ACOX2: variants seen among roughly 807,000 people sequenced by gnomAD.
ACOX2 encodes the protein acyl-CoA oxidase 2, also known as peroxisomal acyl-coenzyme A oxidase 2.
In ACOX2, 59 loss-of-function variants were observed where a neutral mutation model predicts 77.5. The ratio of observed to expected loss-of-function variants is 0.76; its 90% CI spans 0.62 to 0.95. The LOEUF (loss-of-function observed/expected upper bound fraction) is 0.95. Among genes scored for constraint, ACOX2 ranks in the 40% least tolerant of loss-of-function variants. The pLI is 0.00. For synonymous variants in ACOX2, 317 were observed against 340.1 expected, an observed-to-expected ratio of 0.93 and a Z score of 0.75; for missense variants, 837 against 880.4, an observed-to-expected ratio of 0.95 and a Z score of 0.62.
At position 58,521,258 on chromosome 3, in the gene ACOX2, A is replaced by G. The variant is rs1215242414; in HGVS notation, c.1632+1238T>C. On this transcript the variant is annotated intron_variant, in intron 12 of 14. Coordinates refer to ENST00000302819, the MANE Select transcript of ACOX2 (RefSeq NM_003500.4). The surrounding 1 kb of genome is among the most constrained non-coding windows in gnomAD (Gnocchi z 4.8). Reference sequence around the variant, plus strand: ...GTGGTGGGTCACGTGGTGGTGCTCAACGTCCAGCCTGCCTGACCAGCCCTG... The same window carrying G: ...GTGGTGGGTCACGTGGTGGTGCTCAGCGTCCAGCCTGCCTGACCAGCCCTG... 6.6e-6 allele frequency among the ~76,000 whole-genome samples: 1 copy of G among 152,130 alleles called. No individual in the cohort carries two copies. Among genetic ancestry groups the G allele is most frequent in the African/African-American group, 2.4e-5 (1 of 41,436 alleles).
rs2063462317 is a variant in ACOX2 at position 58,534,209 on chromosome 3, C to T, written c.324-64G>A. The T allele has an allele frequency of 6.2e-7, 1 of 1,604,610 alleles. No individual in the cohort carries two copies. Among genetic ancestry groups the T allele is most frequent in the African/African-American group, 1.3e-5 (1 of 74,624 alleles). On this transcript the variant is annotated intron_variant, in intron 3 of 14. Transcript: ENST00000302819. The surrounding 1 kb of genome is among the most constrained non-coding windows in gnomAD (Gnocchi z 4.8). ...AGACAGGGGCCCAGGTACCCCCTGC[C>T]TGAGCAGAGTACAGGAGATAAAGGG... is the stretch of plus-strand genomic sequence containing the variant.
In ACOX2 at chr3:58,526,865, G is replaced by A. The variant is rs2063399399; in HGVS notation, c.1156-209C>T. 2 of 546,798 alleles carry A rather than the reference G, an allele frequency of 3.7e-6. No homozygotes were observed. The highest frequency in any genetic ancestry group is 6.8e-5 in the Admixed American group (2 of 29,434). 33.9% of individuals were successfully genotyped at this position (546,798 alleles called of 1,614,324 possible). A position where few individuals can be genotyped will look rare whatever the true frequency, so the allele number is the denominator to read the frequency against. ...CACACAATTAGGCAATGTAGCTGTA[G>A]GGGCATAAGAGTGAAGGAAAACCTG... On this transcript the variant is annotated intron_variant, in intron 9 of 14. Transcript: ENST00000302819. This position sits in a 1 kb window ranked among gnomAD's most constrained non-coding sequence, Gnocchi z 4.3.
In ACOX2 at chr3:58,531,639, G is replaced by A; in HGVS notation, c.703+54C>T. The A allele has an allele frequency of 2.5e-6, 4 of 1,592,382 alleles. No homozygotes were observed. The highest frequency in any genetic ancestry group is 3.4e-6 in the Non-Finnish European group (4 of 1,168,790). ...CCCTCTGGGGCCCCAGGTCAGGGAG[G>A]CCACCTGGGCTCTCCTCCTGGCAGG... On this transcript the variant is annotated intron_variant, in intron 6 of 14. Coordinates refer to ENST00000302819, the MANE Select transcript of ACOX2 (RefSeq NM_003500.4). This position sits in a 1 kb window ranked among gnomAD's most constrained non-coding sequence, Gnocchi z 5.8.
Position 58,517,409 on chromosome 3 carries a change from ATAG to A in ACOX2, c.1644_1646del (p.Tyr549del). ...CTTCTGTAAAACCCTTCACAGTGAC[ATAG>A]TAGCAGTGCACCTACAAAGACACAA... On this transcript the variant is annotated inframe_deletion, in exon 13 of 15. Transcript: ENST00000302819. 6.2e-7 allele frequency: 1 copy of A among 1,614,028 alleles called. No individual in the cohort carries two copies. The highest frequency in any genetic ancestry group is 8.5e-7 in the Non-Finnish European group (1 of 1,179,934).
intron 8 of ACOX2, among the ~76,000 whole-genome samples, chr3:58,529,582 C>G (rs2063421857): frequency 6.6e-6 from 1 of 152,224 alleles, no homozygotes; most frequent in South Asian, 2.1e-4. Flanking sequence ...TATAACCACC[C>G]TGGGGACACT....
chr3:58,517,612 T>TGGGGGG (rs201218194), intron 12 of ACOX2, among the ~76,000 whole-genome samples, 189 bp from the exon 13 acceptor site: 1 of 96,058 alleles, frequency 1.0e-5, no homozygotes, highest in Non-Finnish European at 2.1e-5. Context: ...TATGTGTGTG[T>TGGGGGG]TGGGGGGGGG....
At position 58,516,955 on chromosome 3, in the gene ACOX2, T is replaced by A. The variant is rs577725261; in HGVS notation, c.1850+251A>T. Among the ~76,000 whole-genome samples, 6 of 152,358 alleles carry A rather than the reference T, an allele frequency of 3.9e-5. No individual in the cohort carries two copies. The East Asian group carries it at 5.8e-4, about 15-fold the overall frequency. ...TGATTTTCCTTAGATACTATTCCTA[T>A]TTCCTTGACAATGTAAAGAGTTCAA... On this transcript the variant is annotated intron_variant, in intron 13 of 14. Coordinates refer to ENST00000302819, the MANE Select transcript of ACOX2 (RefSeq NM_003500.4).
chr3:58,522,584 A>G lies in ACOX2; in HGVS notation c.1544T>C (p.Val515Ala), dbSNP rs200322096. 3 of 1,614,172 alleles carry G rather than the reference A, an allele frequency of 1.9e-6. No individual in the cohort carries two copies. The African/African-American group carries it at 4.0e-5, about 22-fold the overall frequency. ...HVAVRLIKDS[V>A]QHLQTLTQSG... is the part of the protein sequence containing the mutation. ...TTGCGTCAGGGTCTGTAAATGCTGC[A>G]CTGAGTCCTTTATGAGCCTGAAAGC... Residue 515 changes from valine (V) to alanine (A), a missense_variant, in exon 12 of 15, where the codon GTG becomes GCG. Coordinates refer to ENST00000302819, the MANE Select transcript of ACOX2 (RefSeq NM_003500.4). This position sits in a 1 kb window ranked among gnomAD's most constrained non-coding sequence, Gnocchi z 4.3.
At position 58,531,430 on chromosome 3, in the gene ACOX2, C is replaced by T; in HGVS notation, c.704-64G>A. 6.9e-7 allele frequency: 1 copy of T among 1,450,218 alleles called. No homozygotes were observed. Among genetic ancestry groups the T allele is most frequent in the Non-Finnish European group, 9.6e-7 (1 of 1,038,860 alleles). The allele number at this position is 1,450,218 out of a possible 1,614,324, so 89.8% of individuals were successfully genotyped here. ...AGAGTGCTTGCTATGTGGCAGGTAT[C>T]ATACACACATTCCAGGTCACAGCAG... On this transcript the variant is annotated intron_variant, in intron 6 of 14. Transcript: ENST00000302819. The surrounding 1 kb of genome is among the most constrained non-coding windows in gnomAD (Gnocchi z 5.8).
chr3:58,505,791 C>T lies in ACOX2; in HGVS notation c.1984-505G>A, dbSNP rs1174468520. 7.1e-6 allele frequency among the ~76,000 whole-genome samples: 1 copy of T among 141,338 alleles called. No homozygotes were observed. The highest frequency in any genetic ancestry group is 1.6e-5 in the Non-Finnish European group (1 of 64,172). The allele number at this position is 141,338 out of a possible 152,430, so 92.7% of individuals were successfully genotyped here. On this transcript the variant is annotated intron_variant, in intron 14 of 14. Transcript: ENST00000302819. The surrounding 1 kb of genome is among the most constrained non-coding windows in gnomAD (Gnocchi z 4.4). ...AACTGTAAGCTCCTCGAACACTGGG[C>T]TTTTGACTGTTTTTTTTTGGAGACA...
At position 58,534,460 on chromosome 3, in the gene ACOX2, C is replaced by A. The variant is rs774132260; in HGVS notation, c.223G>T (p.Glu75Ter). 6.2e-7 allele frequency: 1 copy of A among 1,614,050 alleles called. No individual in the cohort carries two copies. The highest frequency in any genetic ancestry group is 8.5e-7 in the Non-Finnish European group (1 of 1,180,036). ...CTCCGCATGGCAGCCTTATAACGCT[C>A]ATTCTGGGTCATGAAATAATTGTCC... Reference protein sequence around the residue: ...CKDNYFMTQNERYKAAMRRAF... With the variant: ...CKDNYFMTQN The change falls in exon 3 of 15, where the codon GAG becomes TAG. Residue 75 changes from glutamate (E) to a stop codon, truncating the protein, a stop_gained. Coordinates refer to ENST00000302819, the MANE Select transcript of ACOX2 (RefSeq NM_003500.4). LOFTEE classifies it high-confidence loss of function. The surrounding 1 kb of genome is among the most constrained non-coding windows in gnomAD (Gnocchi z 4.8).
chr3:58,517,299 G>A lies in ACOX2; in HGVS notation c.1757C>T (p.Thr586Ile), dbSNP rs1209299797. The change falls in exon 13 of 15, where the codon ACT (threonine) becomes ATT (isoleucine). Residue 586 changes from threonine to isoleucine, a missense_variant. Physicochemically the swap from Thr to Ile is moderately conservative, Grantham distance 89. Coordinates refer to ENST00000302819, the MANE Select transcript of ACOX2 (RefSeq NM_003500.4). The part of the protein sequence containing the change: ...CDLHAIHGIL[T>I]NSGDFLHDAF... ...GTCATGGAGAAAGTCACCCGAGTTA[G>A]TCAAGATTCCATGTATGGCATGGAG... 6.2e-7 allele frequency: 1 copy of A among 1,614,228 alleles called. No individual in the cohort carries two copies. Among genetic ancestry groups the A allele is most frequent in the South Asian group, 1.1e-5 (1 of 91,088 alleles).
At chr3:58,516,713 C>T (rs192171970) in intron 13 of ACOX2, among the ~76,000 whole-genome samples, 7 of 152,232 alleles carry the variant, frequency 4.6e-5, no homozygotes, top group African/African-American at 1.7e-4. Context: ...GGGTGGGCAC[C>T]TGTAATCCCA....
chr3:58,530,314 T>G, intron 8 of ACOX2, 152 bp downstream of exon 8: 1 of 1,179,806 alleles, frequency 8.5e-7, no homozygotes, highest in Non-Finnish European at 1.2e-6. Context: ...GGGGCCAGGC[T>G]GGGTAGATTT....
chr3:58,510,912 G>A lies in ACOX2; in HGVS notation c.1851-1887C>T, dbSNP rs146390501. The stretch of plus-strand genomic sequence containing the variant: ...GGGCCCTGATTGCAGCTCAGCAATC[G>A]TATTACATTGCTATATTTACTCATT... On this transcript the variant is annotated intron_variant, in intron 13 of 14. Transcript: ENST00000302819. The A allele has an allele frequency of 4.9e-5, 22 of 453,502 alleles. No individual in the cohort carries two copies. The East Asian group carries it at 7.0e-4, about 14-fold the overall frequency. The allele number at this position is 453,502 out of a possible 1,614,324, so 28.1% of individuals were successfully genotyped here.
chr3:58,512,360 T>C lies in ACOX2; in HGVS notation c.1851-3335A>G, dbSNP rs1409144906. Among the ~76,000 whole-genome samples, 1 of 152,230 alleles carries C rather than the reference T, an allele frequency of 6.6e-6. No individual in the cohort carries two copies. The highest frequency in any genetic ancestry group is 1.5e-5 in the Non-Finnish European group (1 of 68,042). On this transcript the variant is annotated intron_variant, in intron 13 of 14. Coordinates refer to ENST00000302819, the MANE Select transcript of ACOX2 (RefSeq NM_003500.4). This position sits in a 1 kb window ranked among gnomAD's most constrained non-coding sequence, Gnocchi z 4.8. ...AATCCACTATCATCACTCACTTGGATGATTGCATTAGCGATCCAGCTGATC... is the reference window on the plus strand; with the variant it reads ...AATCCACTATCATCACTCACTTGGACGATTGCATTAGCGATCCAGCTGATC...
Position 58,509,110 on chromosome 3 carries a change from A to G in ACOX2, c.1851-85T>C. 2.1e-6 allele frequency: 3 copies of G among 1,448,932 alleles called. No homozygotes were observed. The South Asian group carries it at 3.7e-5, about 18-fold the overall frequency. 89.8% of individuals were successfully genotyped at this position (1,448,932 alleles called of 1,614,324 possible). On this transcript the variant is annotated intron_variant, in intron 13 of 14. Transcript: ENST00000302819. ...CTTGGATGGTGAATAACAATACCTAATTAGAGGTTGCATGATTATTCGCTT... is the reference window on the plus strand; with the variant it reads ...CTTGGATGGTGAATAACAATACCTAGTTAGAGGTTGCATGATTATTCGCTT...
At chr3:58,508,341 C>T (rs2063249231) in intron 14 of ACOX2, among the ~76,000 whole-genome samples, 4 of 152,084 alleles carry the variant, frequency 2.6e-5, no homozygotes, top group Admixed American at 2.6e-4. Flanking sequence ...ATATGGCTTT[C>T]CTGGGCTACT....
Position 58,531,615 on chromosome 3 carries a change from C to G in ACOX2, c.703+78G>C. ...GACATGTCTTAGCTACTCCTGTGGC[C>G]CTCTGGGGCCCCAGGTCAGGGAGGC... On this transcript the variant is annotated intron_variant, in intron 6 of 14. Coordinates refer to ENST00000302819, the MANE Select transcript of ACOX2 (RefSeq NM_003500.4). The surrounding 1 kb of genome is among the most constrained non-coding windows in gnomAD (Gnocchi z 5.8). 6.4e-7 allele frequency: 1 copy of G among 1,567,328 alleles called. No homozygotes were observed. Among genetic ancestry groups the G allele is most frequent in the Non-Finnish European group, 8.6e-7 (1 of 1,157,654 alleles).
Sources: allele counts gnomAD v4.1 joint callset (sites outside exome capture counted in the v4.1 genomes callset), GRCh38; gene constraint gnomAD v4.1.1; non-coding constraint Gnocchi (gnomAD v3.1); transcripts MANE v1.5; gene names NCBI Gene and HGNC (gene_info 2026-07-23, HGNC 2026-07-21).